Variants in KIF18A observed in about 807,000 individuals in gnomAD.
KIF18A encodes the protein kinesin family member 18A, also known as kinesin-like protein KIF18A.
A neutral mutation model predicts 103.3 loss-of-function variants in KIF18A; 67 were observed. The ratio of observed to expected loss-of-function variants is 0.65; its 90% CI spans 0.53 to 0.79. The LOEUF (loss-of-function observed/expected upper bound fraction) is 0.79, where lower values mean the gene tolerates loss of function less well. KIF18A is among the 30% of genes least tolerant of loss of function. The pLI is 0.00. For missense variants in KIF18A, 1,032 were observed against 1,062.5 expected (o/e 0.97, Z 0.40); for synonymous variants, 367 against 355.5 (o/e 1.03, Z -0.36).
chr11:28,027,148 A>G (rs1850331963), intron 15 of KIF18A, among the ~76,000 whole-genome samples: 1 of 151,784 alleles, frequency 6.6e-6, no homozygotes, highest in Non-Finnish European at 1.5e-5. Flanking sequence ...CTGGTGGAAA[A>G]TACATTTAAA....
chr11:28,069,076 C>G (rs1367344039), intron 11 of KIF18A, among the ~76,000 whole-genome samples, 183 bp downstream of exon 11: 1 of 152,012 alleles, frequency 6.6e-6, no homozygotes, highest in African/African-American at 2.4e-5. Flanking sequence ...TTTATTTTAA[C>G]CTAAAAGCTA....
At position 28,082,984 on chromosome 11, in the gene KIF18A, C is replaced by A; in HGVS notation, c.1150-16G>T. 1 of 1,512,824 alleles carries A rather than the reference C, an allele frequency of 6.6e-7. No homozygotes were observed. The highest frequency in any genetic ancestry group is 1.2e-5 in the South Asian group (1 of 81,004). 93.7% of individuals were successfully genotyped at this position (1,512,824 alleles called of 1,614,324 possible). The stretch of plus-strand genomic sequence containing the variant: ...ACAATAAAATCTAGTAGAGAGAAAT[C>A]ACTAGTTAAAATACAAAAGAAGTCA... On this transcript the variant is annotated splice_polypyrimidine_tract_variant and intron_variant, in intron 8 of 16. Transcript: ENST00000263181.
At chr11:28,090,565 C>T (rs575589890) in intron 5 of KIF18A, 52 bp downstream of exon 5, 6 of 1,003,572 alleles carry the variant, frequency 6.0e-6, no homozygotes, top group South Asian at 1.4e-5. Context: ...ATGAATTTAG[C>T]TTCATTTATT....
intron 11 of KIF18A, among the ~76,000 whole-genome samples, chr11:28,068,957 A>G (rs925703624): frequency 4.5e-4 from 68 of 152,208 alleles, no homozygotes; most frequent in Admixed American, 7.9e-4. Context: ...TTCTTTAACC[A>G]TAACACATTT....
intron 11 of KIF18A, among the ~76,000 whole-genome samples, chr11:28,064,478 G>T (rs1850892521): frequency 6.6e-6 from 1 of 151,938 alleles, no homozygotes; most frequent in Admixed American, 6.6e-5. Flanking sequence ...TCTCCTTATA[G>T]CATTAGGAGA....
chr11:28,080,584 T>G (rs913580901), intron 9 of KIF18A, among the ~76,000 whole-genome samples: 4 of 152,112 alleles, frequency 2.6e-5, no homozygotes, highest in African/African-American at 9.7e-5. Context: ...TATAAGACAG[T>G]AAACTTAATC....
intron 13 of KIF18A, among the ~76,000 whole-genome samples, chr11:28,058,409 T>C (rs1850809617): frequency 6.7e-6 from 1 of 148,882 alleles, no homozygotes; most frequent in African/African-American, 2.5e-5. Context: ...TCTCAGCAAT[T>C]TGGGAGGCCA....
chr11:28,029,374 T>C lies in KIF18A; in HGVS notation c.2505-5524A>G, dbSNP rs570523118. ...TCCCTGGGATGCAAGGCTGGTTCAA[T>C]ATACGCAAATCAATAAATGTAATCC... On this transcript the variant is annotated intron_variant, in intron 15 of 16. Transcript: ENST00000263181. 4.6e-5 allele frequency among the ~76,000 whole-genome samples: 7 copies of C among 152,148 alleles called. No homozygotes were observed. The South Asian group carries it at 1.5e-3, about 32-fold the overall frequency.
chr11:28,088,539 G>A lies in KIF18A; in HGVS notation c.882C>T (p.Ala294=), dbSNP rs1255042413. ...TAATGCCTACCTTTGAATCTGCTAAGGCATTGATGACATTCCCAAGAGCTA... is the reference window on the plus strand; with the variant it reads ...TAATGCCTACCTTTGAATCTGCTAAAGCATTGATGACATTCCCAAGAGCTA... ...SLLALGNVIN[A]LADSKRKNQH... Residue 294 remains alanine (A), a synonymous_variant, in exon 6 of 17, where the codon GCC becomes GCT. Transcript: ENST00000263181. 6.2e-7 allele frequency: 1 copy of A among 1,613,252 alleles called. No homozygotes were observed. The highest frequency in any genetic ancestry group is 1.3e-5 in the African/African-American group (1 of 74,850).
intron 13 of KIF18A, among the ~76,000 whole-genome samples, chr11:28,050,013 T>C (rs1397245778): frequency 1.3e-5 from 2 of 151,918 alleles, no homozygotes; most frequent in Non-Finnish European, 2.9e-5. Context: ...GGATGTATAA[T>C]AGTTCCCTAA....
chr11:28,099,813 C>T (rs1433893109), intron 1 of KIF18A, among the ~76,000 whole-genome samples: 1 of 152,128 alleles, frequency 6.6e-6, no homozygotes, highest in African/African-American at 2.4e-5. Flanking sequence ...ATTAAAAGAA[C>T]TTTGGCTTGT....
At chr11:28,098,667 C>T (rs1482889195) in intron 1 of KIF18A, among the ~76,000 whole-genome samples, 4 of 152,098 alleles carry the variant, frequency 2.6e-5, no homozygotes, top group Non-Finnish European at 5.9e-5. Context: ...ATTGATCCTA[C>T]TCTCTGCTTT....
intron 13 of KIF18A, among the ~76,000 whole-genome samples, chr11:28,051,198 A>G (rs1850707093): frequency 6.6e-6 from 1 of 151,884 alleles, no homozygotes. Flanking sequence ...GAAACTGGAA[A>G]TTATTCTGAT....
rs751548009 is a variant in KIF18A, at chr11:28,021,249, C to T, written c.2648G>A (p.Ser883Asn). The T allele has an allele frequency of 4.0e-6, 6 of 1,490,582 alleles. No individual in the cohort carries two copies. The highest frequency in any genetic ancestry group is 5.1e-5 in the East Asian group (2 of 39,500). 92.3% of individuals were successfully genotyped at this position (1,490,582 alleles called of 1,614,324 possible). The change falls in exon 17 of 17, where the codon AGC becomes AAC. Residue 883 changes from serine to asparagine, a missense_variant. Transcript: ENST00000263181. Reference sequence around the variant, plus strand: ...ATTTCTTCCAAATTTTCTAACCATGCTTGGATTTATTTTACAGATGTTTCT... The same window carrying T: ...ATTTCTTCCAAATTTTCTAACCATGTTTGGATTTATTTTACAGATGTTTCT... ...HKRNICKINP[S>N]MVRKFGRNIS... is the part of the protein sequence containing the mutation.
intron 2 of KIF18A, among the ~76,000 whole-genome samples, chr11:28,095,017 GC>G (rs1215878906): frequency 6.6e-6 from 1 of 151,816 alleles, no homozygotes; most frequent in Non-Finnish European, 1.5e-5. Context: ...ACTACCCCCG[GC>G]CCCCCACTCT....
At chr11:28,070,313 G>T (rs1429738077) in intron 10 of KIF18A, among the ~76,000 whole-genome samples, 1 of 152,172 alleles carries the variant, frequency 6.6e-6, no homozygotes, top group Non-Finnish European at 1.5e-5. Context: ...GTACTATTGA[G>T]ACTTGGGCAT....
At chr11:28,094,566 T>C (rs1851344064) in intron 3 of KIF18A, 77 bp downstream of exon 3, 1 of 1,013,792 alleles carries the variant, frequency 9.9e-7, no homozygotes, top group African/African-American at 1.6e-5. Flanking sequence ...CGGAAAACTC[T>C]TATATAATAA....
chr11:28,075,991 T>C (rs1851086357), intron 10 of KIF18A, among the ~76,000 whole-genome samples: 1 of 152,028 alleles, frequency 6.6e-6, no homozygotes, highest in South Asian at 2.1e-4. Flanking sequence ...AAAGCAACCA[T>C]CCTTGCCAAC....
intron 3 of KIF18A, 50 bp downstream of exon 3, chr11:28,094,593 C>T: frequency 7.8e-7 from 1 of 1,277,252 alleles, no homozygotes; most frequent in Non-Finnish European, 1.1e-6. Flanking sequence ...TTGTATGAAT[C>T]ATGTCAATGA....
Sources: allele counts gnomAD v4.1 joint callset (sites outside exome capture counted in the v4.1 genomes callset), GRCh38; gene constraint gnomAD v4.1.1; transcripts MANE v1.5; gene names NCBI Gene and HGNC (gene_info 2026-07-23, HGNC 2026-07-21).